RNF212: variants seen among roughly 807,000 people sequenced by gnomAD.
RNF212 encodes the protein ring finger protein 212, also known as probable E3 SUMO-protein ligase RNF212.
In RNF212, 33 loss-of-function variants were observed where a neutral mutation model predicts 34.7. That is an observed-to-expected ratio of 0.95 (90% CI 0.72 to 1.27). The LOEUF (loss-of-function observed/expected upper bound fraction) is 1.27. Ranked by LOEUF, RNF212 falls within the 50% of genes most tolerant of loss-of-function variation. The pLI is 0.00. For synonymous variants in RNF212, 140 were observed against 136.1 expected (o/e 1.03, Z -0.20); for missense variants, 377 against 362.2 (o/e 1.04, Z -0.33).
At chr4:1,080,835 T>C (rs1720218458) in intron 7 of RNF212, among the ~76,000 whole-genome samples, 1 of 152,238 alleles carries the variant, frequency 6.6e-6, no homozygotes, top group African/African-American at 2.4e-5. Context: ...GCCTTCCATC[T>C]GAAGAGCTAG....
At position 1,113,536 on chromosome 4, in the gene RNF212, G is replaced by A; in HGVS notation, c.-72C>T. On this transcript the variant is annotated 5_prime_UTR_variant, in exon 1 of 10. Coordinates refer to ENST00000433731, the MANE Select transcript of RNF212 (RefSeq NM_001131034.4). ...ACGCAAGGTTGGGACCAGCCTCCCC[G>A]CGCAGGGCCCGAAGGCGGGCAGCTC... The A allele has an allele frequency of 3.1e-6, 4 of 1,292,394 alleles. No homozygotes were observed. The highest frequency in any genetic ancestry group is 2.7e-5 in the East Asian group (1 of 37,036). The allele number at this position is 1,292,394 out of a possible 1,614,324, so 80.1% of individuals were successfully genotyped here. A position where few individuals can be genotyped will look rare whatever the true frequency, so the allele number is the denominator to read the frequency against.
At chr4:1,082,128 A>G (rs1011969178) in intron 5 of RNF212, among the ~76,000 whole-genome samples, 6 of 152,206 alleles carry the variant, frequency 3.9e-5, no homozygotes, top group Non-Finnish European at 8.8e-5. Flanking sequence ...CATCTCAAAA[A>G]AGGAAAAGGA....
intron 1 of RNF212, among the ~76,000 whole-genome samples, chr4:1,109,485 C>T (rs1725323917): frequency 6.6e-6 from 1 of 152,196 alleles, no homozygotes; most frequent in South Asian, 2.1e-4. Flanking sequence ...AGCCCGGTGG[C>T]TTTGTCCCCT....
intron 3 of RNF212, among the ~76,000 whole-genome samples, chr4:1,093,014 C>T (rs554534153): frequency 2.2e-3 from 69 of 31,758 alleles, no homozygotes; most frequent in African/African-American, 3.7e-3. Flanking sequence ...TCAGTGCTGA[C>T]GCAGCCTGTG....
intron 3 of RNF212, among the ~76,000 whole-genome samples, chr4:1,060,027 G>A (rs10084889): frequency 0.81 from 122,054 of 150,592 alleles, 50,171 homozygotes; most frequent in African/African-American, 0.94. Flanking sequence ...CTGGGAGGCG[G>A]AGGTTAGGTT....
intron 3 of RNF212, among the ~76,000 whole-genome samples, chr4:1,058,956 T>G (rs989279847): frequency 6.6e-6 from 1 of 152,226 alleles, no homozygotes; most frequent in African/African-American, 2.4e-5. Context: ...GTCCAGAATT[T>G]CTTTCAGTGC....
Position 1,113,450 on chromosome 4 carries a change from C to A in RNF212, c.15G>T (p.Val5=). Residue 5 remains valine (V), a synonymous_variant, in exon 1 of 10, where the codon GTG becomes GTT. Coordinates refer to ENST00000433731, the MANE Select transcript of RNF212 (RefSeq NM_001131034.4). MANW[V]FCNRCFQPPH... ...GCGGCTGGAAGCAGCGATTACAGAA[C>A]ACCCAGTTGGCCATGCCAGGCGGGC... 1.2e-6 allele frequency: 2 copies of A among 1,607,682 alleles called. No individual in the cohort carries two copies. The highest frequency in any genetic ancestry group is 1.7e-6 in the Non-Finnish European group (2 of 1,177,886).
chr4:1,067,683 G>A (rs1718176914), downstream of RNF212, among the ~76,000 whole-genome samples: 1 of 152,130 alleles, frequency 6.6e-6, no homozygotes, highest in Admixed American at 6.6e-5. Flanking sequence ...TCGTCAACAT[G>A]GTGAACTCCG....
chr4:1,087,818 C>T lies in RNF212; in HGVS notation c.304-1864G>A, dbSNP rs142733201. Reference sequence around the variant, plus strand: ...GATCTGATGGTTTAAAAGTGTTTGGCAGTTCCCCTCCACCCCCTCTCCTGC... The same window carrying T: ...GATCTGATGGTTTAAAAGTGTTTGGTAGTTCCCCTCCACCCCCTCTCCTGC... On this transcript the variant is annotated intron_variant, in intron 4 of 9. Transcript: ENST00000433731. 2.0e-5 allele frequency among the ~76,000 whole-genome samples: 3 copies of T among 151,982 alleles called. No homozygotes were observed. In the East Asian group the frequency reaches 5.8e-4, roughly 29 times the overall value.
intron 4 of RNF212, chr4:1,056,963 G>A (rs1255097869): frequency 7.1e-6 from 7 of 987,986 alleles, no homozygotes; most frequent in Admixed American, 6.1e-5. Flanking sequence ...TGGTGTTGGC[G>A]TTAGTGGGGG....
rs1718539331 is a variant in RNF212 at position 1,071,936 on chromosome 4, G to A, written c.*938C>T. On this transcript the variant is annotated 3_prime_UTR_variant, in exon 10 of 10. Coordinates refer to ENST00000433731, the MANE Select transcript of RNF212 (RefSeq NM_001131034.4). ...TCCTTAGTATTTACCCAAAGGAGCT[G>A]AAAACATGTCTACACAAAACCCTGG... 1 of 152,208 alleles carries A rather than the reference G, an allele frequency of 6.6e-6. No individual in the cohort carries two copies. Among genetic ancestry groups the A allele is most frequent in the African/African-American group, 2.4e-5 (1 of 41,446 alleles). The allele number at this position is 152,208 out of a possible 1,614,324, so 9.4% of individuals were successfully genotyped here.
intron 1 of RNF212, 54 bp downstream of exon 1, chr4:1,113,302 T>C (rs1726105613): frequency 7.2e-6 from 2 of 277,464 alleles, no homozygotes; most frequent in Non-Finnish European, 1.0e-5. Context: ...CGGAGTTCCC[T>C]GACCCCCTTG....
intron 8 of RNF212, among the ~76,000 whole-genome samples, chr4:1,077,473 T>C (rs1263479145): frequency 2.0e-5 from 3 of 152,172 alleles, no homozygotes; most frequent in African/African-American, 7.2e-5. Flanking sequence ...GCTCAAGTGA[T>C]CCACCTGCCT....
intron 3 of RNF212, among the ~76,000 whole-genome samples, chr4:1,066,206 A>G (rs1247648045): frequency 1.3e-5 from 2 of 151,698 alleles, no homozygotes; most frequent in Non-Finnish European, 2.9e-5. Flanking sequence ...TACATGCATG[A>G]GCCACTATAC....
chr4:1,063,071 A>G (rs1250561176), intron 3 of RNF212, among the ~76,000 whole-genome samples: 1 of 152,254 alleles, frequency 6.6e-6, no homozygotes, highest in East Asian at 1.9e-4. Flanking sequence ...ATAAAGGTAA[A>G]GCTATGTCCA....
At chr4:1,082,564 G>A (rs1438215023) in intron 5 of RNF212, among the ~76,000 whole-genome samples, 3 of 152,338 alleles carry the variant, frequency 2.0e-5, no homozygotes, top group East Asian at 3.9e-4. Context: ...CTCAACCACT[G>A]GGGCCTCCGC....
chr4:1,078,849 A>G (rs1459571120), intron 8 of RNF212, among the ~76,000 whole-genome samples: 3 of 141,920 alleles, frequency 2.1e-5, no homozygotes, highest in African/African-American at 5.2e-5. Context: ...CCAACACAGG[A>G]CCAACATAGG....
Position 1,108,350 on chromosome 4 carries a change from G to T in RNF212, c.164C>A (p.Ser55Ter), listed in dbSNP as rs751306696. 1.3e-6 allele frequency: 2 copies of T among 1,508,964 alleles called. No homozygotes were observed. Among genetic ancestry groups the T allele is most frequent in the South Asian group, 1.4e-5 (1 of 72,806 alleles). 93.5% of individuals were successfully genotyped at this position (1,508,964 alleles called of 1,614,324 possible). The change falls in exon 2 of 10, where the codon TCA (serine) becomes TAA (stop). Residue 55 changes from serine to a stop codon, truncating the protein, a stop_gained. Coordinates refer to ENST00000433731, the MANE Select transcript of RNF212 (RefSeq NM_001131034.4). LOFTEE classifies it high-confidence loss of function. The stretch of plus-strand genomic sequence containing the variant: ...CGACACATTTCAACTTACATGCTTT[G>T]AAAGCAAAACTGTACGACAAGGAGC... ...CKAPCRTVLL[S>*]KHTDADIQAF... is the part of the protein sequence containing the mutation.
At chr4:1,079,552 G>A in intron 8 of RNF212, 91 bp downstream of exon 8, 1 of 882,756 alleles carries the variant, frequency 1.1e-6, no homozygotes, top group Non-Finnish European at 1.9e-6. Flanking sequence ...GTCTACTGTT[G>A]CACGAGAGGT....
Sources: gnomAD v4.1 joint callset for allele counts (sites outside exome capture counted in the v4.1 genomes callset) on GRCh38, gnomAD v4.1.1 for gene constraint, MANE v1.5 for transcripts, NCBI Gene and HGNC (gene_info 2026-07-23, HGNC 2026-07-21) for gene names.